Variants in NCAM2 observed in about 807,000 individuals in gnomAD.
The protein encoded by NCAM2 is N-CAM-2.
A neutral mutation model predicts 98.1 loss-of-function variants in NCAM2; 30 were observed. The observed-to-expected ratio is 0.31, with a 90% CI of 0.23 to 0.41. The LOEUF (loss-of-function observed/expected upper bound fraction) is 0.41, where lower values mean the gene tolerates loss of function less well. NCAM2 is among the 10% of genes least tolerant of loss of function. NCAM2 has a pLI of 1.00. For synonymous variants in NCAM2, 368 were observed against 342.4 expected (o/e 1.07, Z -0.83); for missense variants, 867 against 1,005.8 (o/e 0.86, Z 1.87).
At chr21:21,365,293 G>A (rs1473895606) in intron 8 of NCAM2, among the ~76,000 whole-genome samples, 4 of 146,076 alleles carry the variant, frequency 2.7e-5, no homozygotes, top group Non-Finnish European at 6.1e-5. Context: ...CAAGGCCTTG[G>A]AAAGAATCAT....
chr21:21,123,739 C>T (rs1420827456), intron 1 of NCAM2, among the ~76,000 whole-genome samples: 2 of 151,532 alleles, frequency 1.3e-5, no homozygotes, highest in Non-Finnish European at 2.9e-5. Flanking sequence ...ATAACCCAAA[C>T]TTTTCTTTAT....
At chr21:21,456,846 GGAA>G (rs2146170059) in intron 12 of NCAM2, among the ~76,000 whole-genome samples, 1 of 152,248 alleles carries the variant, frequency 6.6e-6, no homozygotes, top group Non-Finnish European at 1.5e-5. Flanking sequence ...ATGTGAGGGT[GGAA>G]TGAGAAGATG....
At position 21,410,257 on chromosome 21, in the gene NCAM2, A is replaced by G. The variant is rs375762176; in HGVS notation, c.1196-17A>G. The G allele has an allele frequency of 2.6e-5, 34 of 1,326,436 alleles. No homozygotes were observed. In the African/African-American group the frequency reaches 4.9e-4, roughly 19 times the overall value. 82.2% of individuals were successfully genotyped at this position (1,326,436 alleles called of 1,614,324 possible). Reference sequence around the variant, plus strand: ...TAAAGAAAATGCCTATAATTATTTTATTATATTGTATTACAGATGCCCCCA... The same window carrying G: ...TAAAGAAAATGCCTATAATTATTTTGTTATATTGTATTACAGATGCCCCCA... On this transcript the variant is annotated splice_polypyrimidine_tract_variant and intron_variant, in intron 9 of 17. Coordinates refer to ENST00000400546, the MANE Select transcript of NCAM2 (RefSeq NM_004540.5).
intron 1 of NCAM2, among the ~76,000 whole-genome samples, chr21:21,220,439 A>G (rs1286176170): frequency 6.6e-6 from 1 of 152,172 alleles, no homozygotes; most frequent in Non-Finnish European, 1.5e-5. Flanking sequence ...TAGGGGAAAT[A>G]GGCTATACCA....
chr21:21,284,929 C>T (rs1478234055), intron 3 of NCAM2, among the ~76,000 whole-genome samples: 1 of 151,554 alleles, frequency 6.6e-6, no homozygotes, highest in Non-Finnish European at 1.5e-5. Flanking sequence ...ATTTTATGTC[C>T]TGGGATGGAT....
chr21:21,181,112 G>T (rs538926253), intron 1 of NCAM2, among the ~76,000 whole-genome samples: 2 of 152,000 alleles, frequency 1.3e-5, no homozygotes, highest in African/African-American at 4.8e-5. Context: ...GGCTTGCTTC[G>T]ATTACATTTT....
At chr21:21,187,614 A>G (rs1300923503) in intron 1 of NCAM2, among the ~76,000 whole-genome samples, 2 of 152,204 alleles carry the variant, frequency 1.3e-5, no homozygotes, top group African/African-American at 4.8e-5. Flanking sequence ...GGAACAGTTA[A>G]ATAAATGATT....
rs71193401 is a variant in NCAM2 at position 21,123,848 on chromosome 21, C to CTTTTTTTTTTTTTTTTTT, written c.55+125247_55+125248insTTTTTTTTTTTTTTTTTT. On this transcript the variant is annotated intron_variant, in intron 1 of 17. Transcript: ENST00000400546. The stretch of plus-strand genomic sequence containing the variant: ...GCACATTTGAATTCATTCTTGATTG[C>CTTTTTTTTTTTTTTTTTT]TTTTTTTTTTTTTTTTTGAGACGGA... Among the ~76,000 whole-genome samples, 68 of 86,666 alleles carry CTTTTTTTTTTTTTTTTTT rather than the reference C, an allele frequency of 7.8e-4. 14 individuals are homozygous for CTTTTTTTTTTTTTTTTTT. Among genetic ancestry groups the CTTTTTTTTTTTTTTTTTT allele is most frequent in the Non-Finnish European group, 8.5e-4 (42 of 49,650 alleles). The allele number at this position is 86,666 out of a possible 152,430, so 56.9% of individuals were successfully genotyped here.
At chr21:21,154,580 A>C (rs545971934) in intron 1 of NCAM2, among the ~76,000 whole-genome samples, 1 of 152,008 alleles carries the variant, frequency 6.6e-6, no homozygotes. Flanking sequence ...GAAAACGACA[A>C]CATTTTGATT....
At chr21:21,033,343 A>G (rs1301374847) in intron 1 of NCAM2, among the ~76,000 whole-genome samples, 1 of 152,198 alleles carries the variant, frequency 6.6e-6, no homozygotes, top group African/African-American at 2.4e-5. Flanking sequence ...TTGTCCCCTG[A>G]AACTTTGATA....
At chr21:21,456,603 A>G (rs765191733) in intron 12 of NCAM2, among the ~76,000 whole-genome samples, 1 of 152,214 alleles carries the variant, frequency 6.6e-6, no homozygotes, top group African/African-American at 2.4e-5. Flanking sequence ...AATCAACTCA[A>G]AATAGATTAA....
intron 1 of NCAM2, among the ~76,000 whole-genome samples, chr21:21,085,957 G>A (rs2146426252): frequency 6.6e-6 from 1 of 152,248 alleles, no homozygotes; most frequent in Non-Finnish European, 1.5e-5. Context: ...ATTAAGCACT[G>A]CAGAAACTAT....
At chr21:21,417,772 G>A (rs2077022635) in intron 10 of NCAM2, among the ~76,000 whole-genome samples, 1 of 151,964 alleles carries the variant, frequency 6.6e-6, no homozygotes, top group Admixed American at 6.6e-5. Flanking sequence ...AAGAATGGTA[G>A]GAATTGAACA....
At chr21:21,473,460 A>G (rs1165329370) in intron 14 of NCAM2, among the ~76,000 whole-genome samples, 1 of 149,858 alleles carries the variant, frequency 6.7e-6, no homozygotes, top group Non-Finnish European at 1.5e-5. Context: ...AGTTTTAAAT[A>G]ATTTCTGGGC....
chr21:21,200,970 G>T (rs1367258601), intron 1 of NCAM2, among the ~76,000 whole-genome samples: 2 of 152,026 alleles, frequency 1.3e-5, no homozygotes, highest in African/African-American at 4.8e-5. Flanking sequence ...GCATATTAAT[G>T]AGTGGATAAT....
intron 1 of NCAM2, among the ~76,000 whole-genome samples, chr21:21,145,789 T>A (rs1361456802): frequency 1.3e-5 from 2 of 152,152 alleles, no homozygotes; most frequent in African/African-American, 4.8e-5. Flanking sequence ...GATAAATAAA[T>A]AAGATGATTA....
intron 16 of NCAM2, among the ~76,000 whole-genome samples, chr21:21,532,355 C>G (rs990990907): frequency 6.6e-6 from 1 of 151,796 alleles, no homozygotes; most frequent in Non-Finnish European, 1.5e-5. Context: ...TTCATATGTG[C>G]TGATATCTGT....
At chr21:21,421,304 A>G (rs1049684608) in intron 11 of NCAM2, among the ~76,000 whole-genome samples, 2 of 152,006 alleles carry the variant, frequency 1.3e-5, no homozygotes, top group East Asian at 1.9e-4. Context: ...TCTAGTGACT[A>G]TATTAAATTA....
At chr21:21,474,795 T>G (rs1375845607) in intron 14 of NCAM2, among the ~76,000 whole-genome samples, 1 of 152,006 alleles carries the variant, frequency 6.6e-6, no homozygotes, top group Non-Finnish European at 1.5e-5. Flanking sequence ...GTATACACAA[T>G]TTATAACTTA....
Sources: allele counts gnomAD v4.1 joint callset (sites outside exome capture counted in the v4.1 genomes callset), GRCh38; gene constraint gnomAD v4.1.1; transcripts MANE v1.5; gene names NCBI Gene and HGNC (gene_info 2026-07-23, HGNC 2026-07-21).